TRPM3: variants seen among roughly 807,000 people sequenced by gnomAD.
TRPM3 encodes the protein transient receptor potential cation channel subfamily M member 3, also known as long transient receptor potential channel 3.
In TRPM3, 77 loss-of-function variants were observed where a neutral mutation model predicts 181.2. The observed-to-expected ratio is 0.42, with a 90% CI of 0.35 to 0.51. The LOEUF (loss-of-function observed/expected upper bound fraction) is 0.51. TRPM3 is among the 20% of genes least tolerant of loss of function. TRPM3 has a pLI of 0.01. For synonymous variants in TRPM3, 745 were observed against 796.4 expected (o/e 0.94, Z 1.09); for missense variants, 1,759 against 2,196.7 (o/e 0.80, Z 3.98).
chr9:70,542,065 G>A (rs1002764806), intron 25 of TRPM3, among the ~76,000 whole-genome samples: 4 of 152,312 alleles, frequency 2.6e-5, no homozygotes, highest in East Asian at 3.9e-4. Context: ...AGGCTGTGGT[G>A]AGCCCAGATG....
At chr9:71,102,040 T>G (rs2068490754) in intron 1 of TRPM3, among the ~76,000 whole-genome samples, 1 of 152,186 alleles carries the variant, frequency 6.6e-6, no homozygotes, top group African/African-American at 2.4e-5. Flanking sequence ...TTTTTTCTTT[T>G]CAAATATATT....
chr9:71,201,934 T>G (rs1160983856), intron 1 of TRPM3, among the ~76,000 whole-genome samples: 1 of 151,838 alleles, frequency 6.6e-6, no homozygotes, highest in Non-Finnish European at 1.5e-5. Flanking sequence ...GTTTTTCTGC[T>G]CTGTTTTTTC....
chr9:70,610,767 C>A lies in TRPM3; in HGVS notation c.2527-18G>T, dbSNP rs1434625142. The A allele has an allele frequency of 1.2e-6, 2 of 1,613,586 alleles. No individual in the cohort carries two copies. The highest frequency in any genetic ancestry group is 2.2e-5 in the East Asian group (1 of 44,874). Reference sequence around the variant, plus strand: ...AACATTGCCTATGTTGGAAGAGAATCGATACCATCATGACAGGGCTCTGGA... The same window carrying A: ...AACATTGCCTATGTTGGAAGAGAATAGATACCATCATGACAGGGCTCTGGA... On this transcript the variant is annotated intron_variant, in intron 18 of 25. Transcript: ENST00000677713.
At chr9:71,035,699 A>C (rs1444842110) in intron 1 of TRPM3, among the ~76,000 whole-genome samples, 1 of 152,230 alleles carries the variant, frequency 6.6e-6, no homozygotes, top group Non-Finnish European at 1.5e-5. Context: ...CCTGGGTGAT[A>C]GAGCAGGACT....
At chr9:71,242,266 T>G (rs2081749426) in intron 1 of TRPM3, among the ~76,000 whole-genome samples, 1 of 152,182 alleles carries the variant, frequency 6.6e-6, no homozygotes, top group South Asian at 2.1e-4. Context: ...AGATGTGGTT[T>G]CTTCACTGGC....
rs186005213 is a variant in TRPM3 at position 71,381,809 on chromosome 9, G to C, written c.183+64844C>G. On this transcript the variant is annotated intron_variant, in intron 1 of 24. Transcript: ENST00000357533. Reference sequence around the variant, plus strand: ...TAGGGATGGCTTCAGTTTTGGATGAGATGATTATTAAATATTCTTTCCAGG... The same window carrying C: ...TAGGGATGGCTTCAGTTTTGGATGACATGATTATTAAATATTCTTTCCAGG... 3.4e-4 allele frequency among the ~76,000 whole-genome samples: 52 copies of C among 152,212 alleles called. No homozygotes were observed. The East Asian group carries it at 8.5e-3, about 25-fold the overall frequency.
intron 1 of TRPM3, among the ~76,000 whole-genome samples, chr9:71,164,506 A>C (rs925273284): frequency 5.3e-5 from 8 of 152,208 alleles, no homozygotes; most frequent in Non-Finnish European, 1.2e-4. Context: ...GTAGAGACTG[A>C]AGGAAAAAAT....
chr9:71,379,703 T>C (rs1453167775), intron 1 of TRPM3, among the ~76,000 whole-genome samples: 1 of 121,248 alleles, frequency 8.2e-6, no homozygotes, highest in African/African-American at 2.5e-5. Context: ...GAATCTTTTT[T>C]TTTAATTCAA....
At chr9:71,053,251 C>G (rs1163918124) in intron 1 of TRPM3, among the ~76,000 whole-genome samples, 1 of 151,854 alleles carries the variant, frequency 6.6e-6, no homozygotes, top group Non-Finnish European at 1.5e-5. Context: ...CTGGTGTAGA[C>G]GATGACGCCA....
intron 5 of TRPM3, among the ~76,000 whole-genome samples, chr9:70,833,793 T>C (rs183479074): frequency 5.0e-4 from 76 of 152,164 alleles, no homozygotes; most frequent in Admixed American, 4.4e-3. Flanking sequence ...TAGAACTGTA[T>C]GTATACAGAG....
chr9:70,966,489 C>T (rs2097186738), intron 1 of TRPM3, among the ~76,000 whole-genome samples: 1 of 152,078 alleles, frequency 6.6e-6, no homozygotes, highest in African/African-American at 2.4e-5. Context: ...GTGGAATCAA[C>T]TTAAATGCCC....
chr9:71,130,219 T>C (rs1587538082), intron 1 of TRPM3, among the ~76,000 whole-genome samples: 1 of 152,174 alleles, frequency 6.6e-6, no homozygotes, highest in East Asian at 1.9e-4. Context: ...TCTTGATATA[T>C]TATATAAGGT....
intron 1 of TRPM3, among the ~76,000 whole-genome samples, chr9:71,298,074 G>A (rs1042642243): frequency 4.6e-5 from 7 of 150,830 alleles, no homozygotes; most frequent in Non-Finnish European, 8.9e-5. Context: ...TCCACAGCAT[G>A]CCAGTAAACT....
chr9:70,828,250 G>C (rs11142605), intron 5 of TRPM3, among the ~76,000 whole-genome samples: 2 of 152,022 alleles, frequency 1.3e-5, no homozygotes, highest in African/African-American at 4.8e-5. Context: ...ACTGAAATGG[G>C]GCAGAAAATA....
At chr9:70,924,885 T>C (rs1232489780) in intron 1 of TRPM3, among the ~76,000 whole-genome samples, 1 of 152,176 alleles carries the variant, frequency 6.6e-6, no homozygotes, top group Non-Finnish European at 1.5e-5. Flanking sequence ...AAGTAATTTC[T>C]ACAAGGTTAC....
At chr9:70,635,164 A>G (rs1315052707) in intron 12 of TRPM3, 47 bp downstream of exon 12, 1 of 1,562,650 alleles carries the variant, frequency 6.4e-7, no homozygotes, top group Non-Finnish European at 8.8e-7. Flanking sequence ...TAATCACAGG[A>G]AGCAGTCAAG....
At chr9:71,123,297 G>A (rs976890010), upstream of TRPM3, among the ~76,000 whole-genome samples, 1 of 152,208 alleles carries the variant, frequency 6.6e-6, no homozygotes, top group East Asian at 1.9e-4. Flanking sequence ...TGATGTTGAT[G>A]TATTAGTTAA....
intron 1 of TRPM3, among the ~76,000 whole-genome samples, chr9:71,022,822 AC>A (rs778613884): frequency 2.0e-5 from 3 of 152,148 alleles, no homozygotes; most frequent in Admixed American, 6.6e-5. Flanking sequence ...GTATCCCAGA[AC>A]TTAAAGTATA....
At chr9:70,816,247 A>T (rs530395587) in intron 6 of TRPM3, among the ~76,000 whole-genome samples, 9 of 152,336 alleles carry the variant, frequency 5.9e-5, no homozygotes, top group African/African-American at 2.2e-4. Flanking sequence ...ATCCAATTAT[A>T]TATTTACTGG....
Sources: allele counts gnomAD v4.1 joint callset (sites outside exome capture counted in the v4.1 genomes callset), GRCh38; gene constraint gnomAD v4.1.1; transcripts MANE v1.5; gene names NCBI Gene and HGNC (gene_info 2026-07-23, HGNC 2026-07-21).